GNAI3: variants seen among roughly 807,000 people sequenced by gnomAD.
The protein encoded by GNAI3 is G protein subunit alpha i3, also known as guanine nucleotide-binding protein G(i) subunit alpha-3.
A neutral mutation model predicts 41.8 loss-of-function variants in GNAI3; 12 were observed. The observed-to-expected ratio is 0.29, with a 90% CI of 0.18 to 0.47. The LOEUF is 0.47. Ranked by LOEUF, GNAI3 falls within the 20% of genes least tolerant of loss-of-function variation. The pLI is 1.00. For synonymous variants in GNAI3, 132 were observed against 146.5 expected, an observed-to-expected ratio of 0.90 and a Z score of 0.71; for missense variants, 360 against 429.6, an observed-to-expected ratio of 0.84 and a Z score of 1.43.
intron 1 of GNAI3, among the ~76,000 whole-genome samples, chr1:109,566,124 C>T (rs758263030): frequency 5.7e-4 from 86 of 152,160 alleles, no homozygotes; most frequent in Admixed American, 3.3e-4. Flanking sequence ...TAATCTGTGC[C>T]AGCCACCAGG....
chr1:109,553,701 C>T (rs1468557497), intron 1 of GNAI3, among the ~76,000 whole-genome samples: 1 of 152,080 alleles, frequency 6.6e-6, no homozygotes, highest in Admixed American at 6.6e-5. Flanking sequence ...TATTTAAATG[C>T]ATTAGTCACT....
intron 3 of GNAI3, among the ~76,000 whole-genome samples, chr1:109,578,241 C>T (rs764117211): frequency 2.0e-5 from 3 of 151,966 alleles, no homozygotes; most frequent in Admixed American, 6.6e-5. Context: ...GAGGCTGAGG[C>T]GAGTGGATCA....
intron 1 of GNAI3, among the ~76,000 whole-genome samples, chr1:109,558,757 C>T (rs1648226691): frequency 6.6e-6 from 1 of 152,024 alleles, no homozygotes; most frequent in African/African-American, 2.4e-5. Context: ...TAGGTAAAAA[C>T]GTTTGGCAAA....
chr1:109,578,169 A>G (rs1037570256), intron 3 of GNAI3, among the ~76,000 whole-genome samples: 2 of 152,154 alleles, frequency 1.3e-5, no homozygotes, highest in African/African-American at 4.8e-5. Context: ...AACTATAACC[A>G]CCTAGAAAAC....
intron 1 of GNAI3, among the ~76,000 whole-genome samples, chr1:109,565,474 A>G (rs1002578925): frequency 1.2e-4 from 19 of 152,112 alleles, no homozygotes; most frequent in Admixed American, 1.2e-3. Context: ...TGAAGGGCCA[A>G]GAGTGGGTGT....
At chr1:109,552,954 T>G (rs1014883130) in intron 1 of GNAI3, among the ~76,000 whole-genome samples, 3 of 152,182 alleles carry the variant, frequency 2.0e-5, no homozygotes, top group African/African-American at 4.8e-5. Flanking sequence ...ACCATAAGAA[T>G]AATAATTTTT....
chr1:109,555,966 G>GCA (rs61508431), intron 1 of GNAI3, among the ~76,000 whole-genome samples: 1 of 50,264 alleles, frequency 2.0e-5, no homozygotes, highest in East Asian at 5.5e-4. Context: ...GTGCGTGCGT[G>GCA]TGTGTGTGTG....
At chr1:109,571,539 T>C (rs1474928109) in intron 1 of GNAI3, among the ~76,000 whole-genome samples, 7 of 152,180 alleles carry the variant, frequency 4.6e-5, no homozygotes, top group Admixed American at 2.6e-4. Context: ...AAATTAGTTA[T>C]TACAAACAAA....
chr1:109,550,673 A>G (rs1199500919), intron 1 of GNAI3, among the ~76,000 whole-genome samples: 2 of 152,174 alleles, frequency 1.3e-5, no homozygotes, highest in South Asian at 2.1e-4. Flanking sequence ...AGCTGGGACT[A>G]CAGGCGCCCG....
At chr1:109,562,138 T>C (rs530748549) in intron 1 of GNAI3, among the ~76,000 whole-genome samples, 141 of 152,304 alleles carry the variant, frequency 9.3e-4, no homozygotes, top group African/African-American at 3.2e-3. Context: ...ACACAAGATA[T>C]GTATGCACAC....
chr1:109,556,862 C>A (rs892632042), intron 1 of GNAI3, among the ~76,000 whole-genome samples: 3 of 152,074 alleles, frequency 2.0e-5, no homozygotes, highest in African/African-American at 7.2e-5. Flanking sequence ...GTAGACTGAC[C>A]TAGGATTTTA....
chr1:109,562,822 C>T (rs1300545057), intron 1 of GNAI3, among the ~76,000 whole-genome samples: 1 of 152,058 alleles, frequency 6.6e-6, no homozygotes, highest in African/African-American at 2.4e-5. Flanking sequence ...CAAAATTTTA[C>T]AATTTTGGGA....
chr1:109,584,104 C>G (rs944218827), intron 5 of GNAI3, among the ~76,000 whole-genome samples: 1 of 152,078 alleles, frequency 6.6e-6, no homozygotes, highest in Non-Finnish European at 1.5e-5. Context: ...ACAGATGTAA[C>G]TACTACCTCA....
chr1:109,573,967 T>C lies in GNAI3; in HGVS notation c.233T>C (p.Ile78Thr). Residue 78 changes from isoleucine to threonine, a missense_variant, in exon 3 of 9, where the codon ATA becomes ACA. Ile to Thr is a moderately conservative substitution (Grantham distance 89). Coordinates refer to ENST00000369851, the MANE Select transcript of GNAI3 (RefSeq NM_006496.4). ...QYKVVVYSNT[I>T]QSIIAIIRAM... Reference sequence around the variant, plus strand: ...AAAGTAGTTGTCTACAGCAATACTATACAGTCCATCATTGCAATCATAAGA... The same window carrying C: ...AAAGTAGTTGTCTACAGCAATACTACACAGTCCATCATTGCAATCATAAGA... 1.2e-6 allele frequency: 2 copies of C among 1,606,112 alleles called. No individual in the cohort carries two copies. The highest frequency in any genetic ancestry group is 2.2e-5 in the East Asian group (1 of 44,842).
chr1:109,595,153 GATA>G lies in GNAI3; in HGVS notation c.*2834_*2836del, dbSNP rs1649262805. The stretch of plus-strand genomic sequence containing the variant: ...TGAAGAATGCTGGAGATTTGTGATG[GATA>G]ATGTTTCAGAATTCAGGTGCCTATG... On this transcript the variant is annotated 3_prime_UTR_variant, in exon 9 of 9. Coordinates refer to ENST00000369851, the MANE Select transcript of GNAI3 (RefSeq NM_006496.4). 1 of 152,154 alleles carries G rather than the reference GATA, an allele frequency of 6.6e-6. No homozygotes were observed. The highest frequency in any genetic ancestry group is 1.5e-5 in the Non-Finnish European group (1 of 68,032). 9.4% of individuals were successfully genotyped at this position (152,154 alleles called of 1,614,324 possible).
rs1649290368 is a variant in GNAI3 at position 109,595,902 on chromosome 1, A to G, written c.*3580A>G. The G allele has an allele frequency of 6.6e-6, 1 of 151,668 alleles. No homozygotes were observed. The highest frequency in any genetic ancestry group is 1.5e-5 in the Non-Finnish European group (1 of 67,952). The allele number at this position is 151,668 out of a possible 1,614,324, so 9.4% of individuals were successfully genotyped here. On this transcript the variant is annotated 3_prime_UTR_variant, in exon 9 of 9. Coordinates refer to ENST00000369851, the MANE Select transcript of GNAI3 (RefSeq NM_006496.4). ...AACGTCACTGTTTTCCTTGAGCGTT[A>G]GTACTTGTGGGTTCTTTCCTTTTCA...
At chr1:109,571,287 T>C (rs914877728) in intron 1 of GNAI3, among the ~76,000 whole-genome samples, 5 of 152,190 alleles carry the variant, frequency 3.3e-5, no homozygotes, top group Non-Finnish European at 7.3e-5. Context: ...ATCAGGTAGA[T>C]GGTTTAGATA....
chr1:109,559,311 A>G (rs1474655320), intron 1 of GNAI3, among the ~76,000 whole-genome samples: 1 of 152,250 alleles, frequency 6.6e-6, no homozygotes, highest in Non-Finnish European at 1.5e-5. Flanking sequence ...TAGCAATAAT[A>G]AAACACATCT....
intron 1 of GNAI3, among the ~76,000 whole-genome samples, chr1:109,572,681 G>A (rs897729340): frequency 1.4e-4 from 22 of 152,048 alleles, no homozygotes; most frequent in African/African-American, 5.3e-4. Context: ...AAATGTGTGG[G>A]GTCAAGGAAA....
Sources: allele counts gnomAD v4.1 joint callset (sites outside exome capture counted in the v4.1 genomes callset), GRCh38; gene constraint gnomAD v4.1.1; transcripts MANE v1.5; gene names NCBI Gene and HGNC (gene_info 2026-07-23, HGNC 2026-07-21).